The following CNTFR variants were observed in gnomAD, a reference collection of about 807,000 sequenced individuals.
CNTFR encodes ciliary neurotrophic factor receptor subunit alpha.
In CNTFR, 12 loss-of-function variants were observed where a neutral mutation model predicts 40.4. That is an observed-to-expected ratio of 0.30 (90% CI 0.19 to 0.48). The LOEUF (loss-of-function observed/expected upper bound fraction) is 0.48, where lower values mean the gene tolerates loss of function less well. Ranked by LOEUF, CNTFR falls within the 20% of genes least tolerant of loss-of-function variation. The pLI is 0.99. For synonymous variants in CNTFR, 202 were observed against 209.6 expected (o/e 0.96, Z 0.31); for missense variants, 414 against 506.8 (o/e 0.82, Z 1.76).
rs992374348 is a variant in CNTFR at position 34,552,541 on chromosome 9, T to C, written c.949+133A>G. The C allele has an allele frequency of 1.4e-5, 15 of 1,079,536 alleles. No homozygotes were observed. The African/African-American group carries it at 1.8e-4, about 13-fold the overall frequency. The allele number at this position is 1,079,536 out of a possible 1,614,324, so 66.9% of individuals were successfully genotyped here. A position where few individuals can be genotyped will look rare whatever the true frequency, so the allele number is the denominator to read the frequency against. On this transcript the variant is annotated intron_variant, in intron 8 of 9. Coordinates refer to ENST00000378980, the MANE Select transcript of CNTFR (RefSeq NM_147164.3). This position sits in a 1 kb window ranked among gnomAD's most constrained non-coding sequence, Gnocchi z 5.1. Reference sequence around the variant, plus strand: ...TAGCAAGGACCAGGAATGGCAGGAGTTGGACAGACAGGCAGAAGTGTGGCT... The same window carrying C: ...TAGCAAGGACCAGGAATGGCAGGAGCTGGACAGACAGGCAGAAGTGTGGCT...
At chr9:34,582,991 G>A (rs1475135469) in intron 1 of CNTFR, among the ~76,000 whole-genome samples, 1 of 152,210 alleles carries the variant, frequency 6.6e-6, no homozygotes, top group Non-Finnish European at 1.5e-5. Flanking sequence ...AGCATGCAGA[G>A]TCTGTATAGC....
At chr9:34,567,971 A>G (rs1216411155) in intron 3 of CNTFR, 5 of 152,200 alleles carry the variant, frequency 3.3e-5, no homozygotes, top group Non-Finnish European at 7.3e-5. Flanking sequence ...GATCTCATAA[A>G]GAAGAGGCCA....
rs371519060 is a variant in CNTFR, at chr9:34,557,522, G to A, written c.604+4C>T. On this transcript the variant is annotated splice_donor_region_variant and intron_variant, in intron 6 of 9. Transcript: ENST00000378980. The surrounding 1 kb of genome is among the most constrained non-coding windows in gnomAD (Gnocchi z 4.2). ...CAGCAGGTCCCCCCAACCGCCACACGTACCAATGGTGAACTCGTCAAAGGT... is the reference window on the plus strand; with the variant it reads ...CAGCAGGTCCCCCCAACCGCCACACATACCAATGGTGAACTCGTCAAAGGT... The A allele has an allele frequency of 4.2e-4, 672 of 1,612,436 alleles. 4 individuals are homozygous for A. Among genetic ancestry groups the A allele is most frequent in the South Asian group, 4.0e-3 (361 of 91,048 alleles).
At chr9:34,576,594 G>A (rs1283259007) in intron 2 of CNTFR, among the ~76,000 whole-genome samples, 1 of 152,184 alleles carries the variant, frequency 6.6e-6, no homozygotes, top group Non-Finnish European at 1.5e-5. Flanking sequence ...TAAAAAGTGA[G>A]AAAATAAATG....
At chr9:34,577,968 T>A (rs1276978531) in intron 2 of CNTFR, among the ~76,000 whole-genome samples, 3 of 149,390 alleles carry the variant, frequency 2.0e-5, no homozygotes, top group Non-Finnish European at 4.5e-5. Flanking sequence ...GGCGGGGGCG[T>A]CGCGGCGGCG....
chr9:34,552,791 T>C lies in CNTFR; in HGVS notation c.832A>G (p.Ile278Val), dbSNP rs1825691117. 1 of 1,613,626 alleles carries C rather than the reference T, an allele frequency of 6.2e-7. No individual in the cohort carries two copies. The highest frequency in any genetic ancestry group is 8.5e-7 in the Non-Finnish European group (1 of 1,179,896). The change falls in exon 8 of 10, where the codon ATC becomes GTC. Residue 278 changes from isoleucine (I) to valine (V), a missense_variant. Ile to Val is a conservative substitution (Grantham distance 29). Transcript: ENST00000378980. The surrounding 1 kb of genome is among the most constrained non-coding windows in gnomAD (Gnocchi z 5.1). The stretch of plus-strand genomic sequence containing the variant: ...TCATTGTCCTTGGCTGCCACCTGGA[T>C]AATGTACTCCTTCCCGGCGTAGGCA... The part of the protein sequence containing the change: ...TDAYAGKEYI[I>V]QVAAKDNEIG...
At chr9:34,574,459 C>G (rs988708334) in intron 2 of CNTFR, among the ~76,000 whole-genome samples, 1 of 152,196 alleles carries the variant, frequency 6.6e-6, no homozygotes, top group African/African-American at 2.4e-5. Context: ...CCTGGGCTAC[C>G]ATGTCCCCAC....
At chr9:34,561,469 T>C (rs1826072728) in intron 4 of CNTFR, among the ~76,000 whole-genome samples, 1 of 152,180 alleles carries the variant, frequency 6.6e-6, no homozygotes, top group Non-Finnish European at 1.5e-5. Flanking sequence ...GTGATCCTGC[T>C]TCCTAATGTG....
At chr9:34,569,033 C>T (rs1348831673) in intron 2 of CNTFR, 52 bp from the exon 3 acceptor site, 3 of 1,505,784 alleles carry the variant, frequency 2.0e-6, no homozygotes, top group Non-Finnish European at 2.7e-6. Flanking sequence ...CCAGGCAGGA[C>T]TGTCCTGGGG....
intron 2 of CNTFR, among the ~76,000 whole-genome samples, chr9:34,572,371 C>T (rs747635686): frequency 2.6e-5 from 4 of 152,130 alleles, no homozygotes; most frequent in Non-Finnish European, 4.4e-5. Context: ...TTTCCAAGTC[C>T]ACACCCCATG....
chr9:34,552,550 C>G lies in CNTFR; in HGVS notation c.949+124G>C. ...CCAGGAATGGCAGGAGTTGGACAGA[C>G]AGGCAGAAGTGTGGCTACCCCCGGG... is the stretch of plus-strand genomic sequence containing the variant. On this transcript the variant is annotated intron_variant, in intron 8 of 9. Transcript: ENST00000378980. This position sits in a 1 kb window ranked among gnomAD's most constrained non-coding sequence, Gnocchi z 5.1. 8.8e-7 allele frequency: 1 copy of G among 1,132,022 alleles called. No individual in the cohort carries two copies. Among genetic ancestry groups the G allele is most frequent in the Non-Finnish European group, 1.2e-6 (1 of 814,366 alleles). 70.1% of individuals were successfully genotyped at this position (1,132,022 alleles called of 1,614,324 possible).
chr9:34,553,127 G>T (rs1051518836), intron 7 of CNTFR, among the ~76,000 whole-genome samples: 10 of 152,160 alleles, frequency 6.6e-5, no homozygotes, highest in African/African-American at 2.2e-4. Context: ...AGAATAAGGA[G>T]GTCTTTGCCC....
At chr9:34,574,735 T>G (rs1367536792) in intron 2 of CNTFR, among the ~76,000 whole-genome samples, 3 of 152,216 alleles carry the variant, frequency 2.0e-5, no homozygotes, top group Non-Finnish European at 4.4e-5. Flanking sequence ...GGGGACAAGA[T>G]TCCGATGGAT....
At chr9:34,554,676 C>A (rs531888403) in intron 7 of CNTFR, among the ~76,000 whole-genome samples, 1 of 152,302 alleles carries the variant, frequency 6.6e-6, no homozygotes, top group South Asian at 2.1e-4. Flanking sequence ...ACAGCCCCTG[C>A]CCAGGGCCCA....
At chr9:34,561,697 AC>A in intron 4 of CNTFR, among the ~76,000 whole-genome samples, 1 of 152,220 alleles carries the variant, frequency 6.6e-6, no homozygotes, top group Non-Finnish European at 1.5e-5. Flanking sequence ...GGTTTGAATG[AC>A]CCACAAATCA....
chr9:34,585,548 C>T (rs945944725), intron 1 of CNTFR, among the ~76,000 whole-genome samples: 1 of 152,204 alleles, frequency 6.6e-6, no homozygotes, highest in Non-Finnish European at 1.5e-5. Flanking sequence ...CACCCCTTGG[C>T]CCCCAGAGTG....
chr9:34,571,239 G>A (rs545010104), intron 2 of CNTFR: 2 of 152,450 alleles, frequency 1.3e-5, no homozygotes, highest in South Asian at 2.1e-4. Context: ...GAGAGAAAAC[G>A]AGACCAGCAG....
chr9:34,585,854 C>T lies in CNTFR; in HGVS notation c.-112+3701G>A, dbSNP rs925851735. On this transcript the variant is annotated intron_variant, in intron 1 of 9. Coordinates refer to ENST00000378980, the MANE Select transcript of CNTFR (RefSeq NM_147164.3). ...TCCAGGACGCCCCAAACCAAGCACA[C>T]ATGGTCCCCCCTAACCCATCTGCAT... Among the ~76,000 whole-genome samples the T allele has an allele frequency of 3.3e-5, 5 of 152,218 alleles. No homozygotes were observed. The South Asian group carries it at 6.2e-4, about 19-fold the overall frequency.
chr9:34,585,866 TAACCC>T (rs1018073558), intron 1 of CNTFR, among the ~76,000 whole-genome samples: 18 of 152,246 alleles, frequency 1.2e-4, no homozygotes, highest in African/African-American at 3.8e-4. Context: ...TGGTCCCCCC[TAACCC>T]ATCTGCATTT....
Sources: allele counts gnomAD v4.1 joint callset (sites outside exome capture counted in the v4.1 genomes callset), GRCh38; gene constraint gnomAD v4.1.1; non-coding constraint Gnocchi (gnomAD v3.1); transcripts MANE v1.5; gene names NCBI Gene and HGNC (gene_info 2026-07-23, HGNC 2026-07-21).